The following KNDC1 variants were observed in gnomAD, a reference collection of about 807,000 sequenced individuals.
The protein encoded by KNDC1 is kinase non-catalytic C-lobe domain containing 1.
A neutral mutation model predicts 172.8 loss-of-function variants in KNDC1; 106 were observed. The ratio of observed to expected loss-of-function variants is 0.61; its 90% confidence interval spans 0.52 to 0.72. The LOEUF is 0.72. KNDC1 is among the 30% of genes least tolerant of loss of function. The pLI is 0.00. For synonymous variants in KNDC1, 1,083 were observed against 1,062.2 expected (o/e 1.02, Z -0.38); for missense variants, 2,325 against 2,394.5 (o/e 0.97, Z 0.61).
chr10:133,178,206 T>C (rs1853612450), intron 3 of KNDC1, among the ~76,000 whole-genome samples: 1 of 150,890 alleles, frequency 6.6e-6, no homozygotes, highest in Non-Finnish European at 1.5e-5. Context: ...GTGGCATGTG[T>C]ATGTATGTGG....
chr10:133,166,945 T>C (rs1222806029), intron 1 of KNDC1, among the ~76,000 whole-genome samples: 1 of 152,132 alleles, frequency 6.6e-6, no homozygotes, highest in East Asian at 1.9e-4. Flanking sequence ...GTCATGTGAG[T>C]GTCAGGATCA....
At chr10:133,182,140 A>G (rs1853736534) in intron 3 of KNDC1, among the ~76,000 whole-genome samples, 4 of 152,096 alleles carry the variant, frequency 2.6e-5, no homozygotes, top group Non-Finnish European at 5.9e-5. Context: ...CAGGATGACC[A>G]GCTAGCCTGG....
rs534452801 is a variant in KNDC1, at chr10:133,182,817, C to T, written c.361-527C>T. Among the ~76,000 whole-genome samples the T allele has an allele frequency of 2.6e-5, 4 of 152,316 alleles. No individual in the cohort carries two copies. The South Asian group carries it at 6.2e-4, about 24-fold the overall frequency. On this transcript the variant is annotated intron_variant, in intron 3 of 29. Coordinates refer to ENST00000304613, the MANE Select transcript of KNDC1 (RefSeq NM_152643.8). ...CAGCACAGATCTAGGCCCAACTGCG[C>T]GGGCGGCGAGGGCGCGGGCAGTGTG...
intron 3 of KNDC1, among the ~76,000 whole-genome samples, chr10:133,168,819 A>G (rs775361951): frequency 1.3e-5 from 2 of 152,244 alleles, no homozygotes; most frequent in Non-Finnish European, 2.9e-5. Context: ...TGGGGGCCTC[A>G]CCGGCAGAGT....
At chr10:133,181,861 C>CACACACACACACACACACACACA (rs33923925) in intron 3 of KNDC1, among the ~76,000 whole-genome samples, 6 of 151,506 alleles carry the variant, frequency 4.0e-5, no homozygotes, top group Non-Finnish European at 7.4e-5. Context: ...CACACACACA[C>CACACACACACACACACACACACA]CAGACTGTGG....
At position 133,219,962 on chromosome 10, in the gene KNDC1, T is replaced by C; in HGVS notation, c.4868T>C (p.Leu1623Pro). The change falls in exon 29 of 30, where the codon CTG becomes CCG. Residue 1623 changes from leucine (L) to proline (P), a missense_variant. Physicochemically the swap from Leu to Pro is moderately conservative, Grantham distance 98. Transcript: ENST00000304613. The part of the protein sequence containing the change: ...MEELKAVEVF[L>P]KSDSLCLMEG... The stretch of plus-strand genomic sequence containing the variant: ...CCCCGGCTGGACCACCAGGTCTTCC[T>C]GAAGAGCGACAGCCTGTGTCTGATG... The C allele has an allele frequency of 6.4e-7, 1 of 1,550,746 alleles. No individual in the cohort carries two copies. The highest frequency in any genetic ancestry group is 8.7e-7 in the Non-Finnish European group (1 of 1,146,700).
chr10:133,198,303 G>A lies in KNDC1; in HGVS notation c.1907-34G>A, dbSNP rs369385567. On this transcript the variant is annotated intron_variant, in intron 12 of 29. Coordinates refer to ENST00000304613, the MANE Select transcript of KNDC1 (RefSeq NM_152643.8). ...GTGCGGCACGTGCTGGGGCCACTCCGCCCGCCCACACCCTCAGCCCCCTGG... is the reference window on the plus strand; with the variant it reads ...GTGCGGCACGTGCTGGGGCCACTCCACCCGCCCACACCCTCAGCCCCCTGG... 3.2e-4 allele frequency: 490 copies of A among 1,519,114 alleles called. 2 individuals are homozygous for A. Among genetic ancestry groups the A allele is most frequent in the East Asian group, 2.0e-4 (8 of 40,854 alleles). 94.1% of individuals were successfully genotyped at this position (1,519,114 alleles called of 1,614,324 possible). A position where few individuals can be genotyped will look rare whatever the true frequency, so the allele number is the denominator to read the frequency against.
At chr10:133,211,600 C>T (rs200773478) in intron 22 of KNDC1, 31 bp downstream of exon 22, 3 of 1,604,152 alleles carry the variant, frequency 1.9e-6, no homozygotes, top group East Asian at 4.5e-5. Context: ...GGCGGCCGCA[C>T]CCGGGGCTCC....
At chr10:133,201,195 G>A (rs981591045) in intron 16 of KNDC1, among the ~76,000 whole-genome samples, 1 of 152,234 alleles carries the variant, frequency 6.6e-6, no homozygotes, top group African/African-American at 2.4e-5. Context: ...TGATAGCAGA[G>A]CCAGCGAGGA....
At position 133,160,296 on chromosome 10, in the gene KNDC1, C is replaced by T. The variant is rs1486150151; in HGVS notation, c.-172C>T. Among the ~76,000 whole-genome samples, 2 of 149,266 alleles carry T rather than the reference C, an allele frequency of 1.3e-5. No individual in the cohort carries two copies. Among genetic ancestry groups the T allele is most frequent in the East Asian group, 4.0e-4 (2 of 5,044 alleles). Reference sequence around the variant, plus strand: ...CCGCGCACCCCGCGCCCCCCGCGCCCCCCGGGCCCGCCCCGTATCCCTGAC... The same window carrying T: ...CCGCGCACCCCGCGCCCCCCGCGCCTCCCGGGCCCGCCCCGTATCCCTGAC... On this transcript the variant is annotated 5_prime_UTR_variant, in exon 1 of 30. Transcript: ENST00000304613.
rs759091302 is a variant in KNDC1 at position 133,224,771 on chromosome 10, G to A, written c.5131G>A (p.Gly1711Ser). 30 of 1,613,942 alleles carry A rather than the reference G, an allele frequency of 1.9e-5. No individual in the cohort carries two copies. In the Admixed American group the frequency reaches 3.0e-4, roughly 16 times the overall value. Residue 1711 changes from glycine to serine, a missense_variant, in exon 30 of 30, where the codon GGT becomes AGT. Transcript: ENST00000304613. This position sits in a 1 kb window ranked among gnomAD's most constrained non-coding sequence, Gnocchi z 5.4. ...CAAGCAGAGGATTGCCCGCTTCAGC[G>A]GTGCCGACATTTCCACACTCGCCGC... ...YLKQRIARFS[G>S]ADISTLAADS...
rs1417544725 is a variant in KNDC1 at position 133,211,861 on chromosome 10, G to A, written c.4236+3G>A. ...CAGAGGACGGCATCTCCAGGAAGGT[G>A]GGGTCCTTTCTCAGGGGAGGTCCTC... On this transcript the variant is annotated splice_donor_region_variant and intron_variant, in intron 23 of 29. Transcript: ENST00000304613. 1 of 1,603,378 alleles carries A rather than the reference G, an allele frequency of 6.2e-7. No individual in the cohort carries two copies. Among genetic ancestry groups the A allele is most frequent in the South Asian group, 1.1e-5 (1 of 89,936 alleles).
At chr10:133,197,963 G>T (rs1339573498) in intron 12 of KNDC1, among the ~76,000 whole-genome samples, 195 bp downstream of exon 12, 1 of 152,000 alleles carries the variant, frequency 6.6e-6, no homozygotes, top group Non-Finnish European at 1.5e-5. Flanking sequence ...ACTCCCAGTC[G>T]CTCAGGCCCC....
At chr10:133,177,401 G>A (rs1333407408) in intron 3 of KNDC1, among the ~76,000 whole-genome samples, 2 of 151,984 alleles carry the variant, frequency 1.3e-5, no homozygotes, top group Admixed American at 1.3e-4. Context: ...GGTGTGTGGT[G>A]TGTTTCAAGC....
intron 1 of KNDC1, 29 bp from the exon 2 acceptor site, chr10:133,167,352 G>A (rs771255409): frequency 4.7e-5 from 73 of 1,539,002 alleles, no homozygotes; most frequent in African/African-American, 8.2e-5. Flanking sequence ...GGGTCCTGCC[G>A]GGCTCACGGC....
At chr10:133,177,706 C>T (rs917667574) in intron 3 of KNDC1, among the ~76,000 whole-genome samples, 5 of 151,828 alleles carry the variant, frequency 3.3e-5, no homozygotes, top group African/African-American at 1.2e-4. Flanking sequence ...TGTGTGTGTC[C>T]ATGCATGTGG....
intron 9 of KNDC1, among the ~76,000 whole-genome samples, chr10:133,194,844 G>A (rs560106661): frequency 1.3e-5 from 2 of 152,240 alleles, no homozygotes; most frequent in African/African-American, 4.8e-5. Flanking sequence ...ACTTAAAAGT[G>A]TGTCATGTCT....
chr10:133,168,788 G>A (rs1853272135), intron 3 of KNDC1, among the ~76,000 whole-genome samples: 1 of 152,254 alleles, frequency 6.6e-6, no homozygotes, highest in South Asian at 2.1e-4. Flanking sequence ...TCCTGGGTAT[G>A]GGCGTGGGCA....
chr10:133,204,442 A>C (rs532800638), intron 17 of KNDC1, among the ~76,000 whole-genome samples: 1 of 152,086 alleles, frequency 6.6e-6, no homozygotes, highest in African/African-American at 2.4e-5. Flanking sequence ...CGGGGTCCGG[A>C]GGGCTTGGGG....
Sources: gnomAD v4.1 joint callset for allele counts (sites outside exome capture counted in the v4.1 genomes callset) on GRCh38, gnomAD v4.1.1 for gene constraint, Gnocchi (gnomAD v3.1) non-coding constraint, MANE v1.5 for transcripts, NCBI Gene and HGNC (gene_info 2026-07-23, HGNC 2026-07-21) for gene names.